Variants in ZNF713 observed in about 807,000 individuals in gnomAD.
The protein encoded by ZNF713 is zinc finger protein 713.
In ZNF713, 21 loss-of-function variants were observed where a neutral mutation model predicts 28.7. The observed-to-expected ratio is 0.73, with a 90% CI of 0.52 to 1.05. ZNF713 has a LOEUF of 1.05. Ranked by LOEUF, ZNF713 falls within the 50% of genes least tolerant of loss-of-function variation. The probability of loss-of-function intolerance (pLI) is 0.00; values close to 1 mark genes in which losing one functional copy is unlikely to be tolerated. For missense variants in ZNF713, 458 were observed against 532.4 expected, an observed-to-expected ratio of 0.86 and a Z score of 1.37; for synonymous variants, 167 against 178.0, an observed-to-expected ratio of 0.94 and a Z score of 0.49.
At chr7:55,909,981 G>A (rs1247595575) in intron 2 of ZNF713, among the ~76,000 whole-genome samples, 1 of 151,632 alleles carries the variant, frequency 6.6e-6, no homozygotes, top group Non-Finnish European at 1.5e-5. Context: ...ATGTGTGTGT[G>A]TGTGTGTGTG....
At chr7:55,929,748 C>CAA (rs767798285) in intron 6 of ZNF713, among the ~76,000 whole-genome samples, 5,290 of 135,644 alleles carry the variant, frequency 0.039, 115 homozygotes, top group Non-Finnish European at 0.058. Context: ...GAGCAAGACT[C>CAA]AAAAAAAAAA....
intron 1 of ZNF713, among the ~76,000 whole-genome samples, chr7:55,904,980 C>A (rs920528890): frequency 2.6e-5 from 4 of 152,140 alleles, no homozygotes; most frequent in Non-Finnish European, 5.9e-5. Context: ...CCCACCTCAT[C>A]CTCCCAAAGT....
intron 1 of ZNF713, among the ~76,000 whole-genome samples, chr7:55,894,826 C>G (rs1785445064): frequency 6.7e-6 from 1 of 149,372 alleles, no homozygotes; most frequent in Admixed American, 6.7e-5. Flanking sequence ...AATGTTTTGA[C>G]TTTTGTTTTC....
intron 6 of ZNF713, among the ~76,000 whole-genome samples, chr7:55,937,735 T>C (rs1786380976): frequency 6.6e-6 from 1 of 151,236 alleles, no homozygotes; most frequent in Admixed American, 6.6e-5. Context: ...AGACCCCGTC[T>C]CTAAAAAAAA....
chr7:55,931,243 G>A (rs563286126), intron 6 of ZNF713, among the ~76,000 whole-genome samples: 29 of 151,774 alleles, frequency 1.9e-4, no homozygotes, highest in East Asian at 1.9e-4. Flanking sequence ...CCGAGATCAC[G>A]TCATTGCTCT....
intron 4 of ZNF713, among the ~76,000 whole-genome samples, chr7:55,922,677 A>G (rs1786015216): frequency 6.6e-6 from 1 of 152,310 alleles, no homozygotes; most frequent in South Asian, 2.1e-4. Flanking sequence ...TCAGATGATC[A>G]TTACCATTTT....
intron 4 of ZNF713, among the ~76,000 whole-genome samples, chr7:55,915,469 G>A (rs1204123161): frequency 6.6e-6 from 1 of 152,066 alleles, no homozygotes; most frequent in Non-Finnish European, 1.5e-5. Context: ...AAGACATTTA[G>A]CAACTATACT....
At chr7:55,899,454 C>T (rs938917396) in intron 1 of ZNF713, among the ~76,000 whole-genome samples, 5 of 126,090 alleles carry the variant, frequency 4.0e-5, no homozygotes, top group African/African-American at 1.6e-4. Flanking sequence ...GGGTTGATCA[C>T]AAGGTCAGGA....
intron 6 of ZNF713, among the ~76,000 whole-genome samples, chr7:55,935,517 T>A (rs1246141269): frequency 6.6e-6 from 1 of 152,148 alleles, no homozygotes; most frequent in Admixed American, 6.6e-5. Context: ...TACGTGTGTG[T>A]TAGAAGGGAC....
In ZNF713 at chr7:55,887,600, CGCGGCGGCGGCGGCGGCGGCGGCG is replaced by C. The variant is rs369789359; in HGVS notation, c.-647_-624del. Reference sequence around the variant, plus strand: ...GGCACCTTCTCCCTCCCGGGTCCACCGCGGCGGCGGCGGCGGCGGCGGCGGCGGCGGCGGCGGCGTCAGGGGGCG... The same window carrying C: ...GGCACCTTCTCCCTCCCGGGTCCACCGCGGCGGCGGCGGCGTCAGGGGGCG... On this transcript the variant is annotated 5_prime_UTR_variant, in exon 1 of 7. Coordinates refer to ENST00000429591, the MANE Select transcript of ZNF713 (RefSeq NM_182633.3). 164 of 178,652 alleles carry C rather than the reference CGCGGCGGCGGCGGCGGCGGCGGCG, an allele frequency of 9.2e-4. 3 individuals are homozygous for C. The highest frequency in any genetic ancestry group is 3.5e-3 in the African/African-American group (140 of 40,508). 11.1% of individuals were successfully genotyped at this position (178,652 alleles called of 1,614,324 possible). A position where few individuals can be genotyped will look rare whatever the true frequency, so the allele number is the denominator to read the frequency against.
intron 1 of ZNF713, among the ~76,000 whole-genome samples, chr7:55,899,321 C>T (rs1486193722): frequency 7.1e-6 from 1 of 139,882 alleles, no homozygotes; most frequent in Admixed American, 7.7e-5. Context: ...CCACTGTACT[C>T]CATCCAGCCT....
At position 55,940,280 on chromosome 7, in the gene ZNF713, G is replaced by T; in HGVS notation, c.*274G>T. On this transcript the variant is annotated 3_prime_UTR_variant, in exon 7 of 7. Coordinates refer to ENST00000429591, the MANE Select transcript of ZNF713 (RefSeq NM_182633.3). Reference sequence around the variant, plus strand: ...TGGGACCACAGGTATGCACCACCACGCCCAGCTAATTTTTTGTATTTTTAG... The same window carrying T: ...TGGGACCACAGGTATGCACCACCACTCCCAGCTAATTTTTTGTATTTTTAG... The T allele has an allele frequency of 2.0e-6, 1 of 490,374 alleles. No individual in the cohort carries two copies. The highest frequency in any genetic ancestry group is 6.8e-5 in the East Asian group (1 of 14,698). 30.4% of individuals were successfully genotyped at this position (490,374 alleles called of 1,614,324 possible). A position where few individuals can be genotyped will look rare whatever the true frequency, so the allele number is the denominator to read the frequency against.
At position 55,939,133 on chromosome 7, in the gene ZNF713, A is replaced by G. The variant is rs1001198300; in HGVS notation, c.459A>G (p.Pro153=). The change falls in exon 7 of 7, where the codon CCA becomes CCG. Residue 153 remains proline, a synonymous_variant. Transcript: ENST00000429591. The part of the protein sequence containing the change: ...LGGLWDFDYH[P]EFNQENHKRY... ...GACTCTGGGATTTTGATTACCATCC[A>G]GAGTTTAACCAAGAAAACCACAAGA... 6.2e-7 allele frequency: 1 copy of G among 1,614,156 alleles called. No individual in the cohort carries two copies. Among genetic ancestry groups the G allele is most frequent in the South Asian group, 1.1e-5 (1 of 91,062 alleles).
chr7:55,930,350 G>A (rs1786186053), intron 6 of ZNF713, among the ~76,000 whole-genome samples: 1 of 152,144 alleles, frequency 6.6e-6, no homozygotes, highest in Non-Finnish European at 1.5e-5. Context: ...ATACATTACT[G>A]GGATCAGGTG....
chr7:55,913,195 C>CTT (rs66851959), intron 4 of ZNF713, among the ~76,000 whole-genome samples: 1,373 of 88,078 alleles, frequency 0.016, 12 homozygotes, highest in African/African-American at 0.021. Flanking sequence ...GTTTTGATTC[C>CTT]TTTTTTTTTT....
rs1247749522 is a variant in ZNF713, at chr7:55,916,081, A to G, written c.87+3358A>G. ...AGGGGTAAAAGCAAAGGAAGAAAAA[A>G]GATGACTTCAAAGAGTGGAACCCAG... On this transcript the variant is annotated intron_variant, in intron 4 of 6. Coordinates refer to ENST00000429591, the MANE Select transcript of ZNF713 (RefSeq NM_182633.3). Among the ~76,000 whole-genome samples, 4 of 152,240 alleles carry G rather than the reference A, an allele frequency of 2.6e-5. No individual in the cohort carries two copies. In the East Asian group the frequency reaches 7.7e-4, roughly 29 times the overall value.
At chr7:55,928,885 A>ACT (rs1786154038) in intron 6 of ZNF713, among the ~76,000 whole-genome samples, 1 of 151,568 alleles carries the variant, frequency 6.6e-6, no homozygotes, top group Non-Finnish European at 1.5e-5. Flanking sequence ...TAATCCCAGC[A>ACT]CTGTGTGAGA....
At position 55,889,779 on chromosome 7, in the gene ZNF713, T is replaced by C. The variant is rs971226668; in HGVS notation, c.-583+2099T>C. ...AGGACTATATAAATCTTATGAGTTA[T>C]AGTTCTTGTAACACGTTGGTGTCAT... On this transcript the variant is annotated intron_variant, in intron 1 of 6. Coordinates refer to ENST00000429591, the MANE Select transcript of ZNF713 (RefSeq NM_182633.3). Among the ~76,000 whole-genome samples, 7 of 152,364 alleles carry C rather than the reference T, an allele frequency of 4.6e-5. No individual in the cohort carries two copies. The South Asian group carries it at 6.2e-4, about 14-fold the overall frequency.
chr7:55,896,934 G>A (rs1459706127), intron 1 of ZNF713, among the ~76,000 whole-genome samples: 3 of 152,016 alleles, frequency 2.0e-5, no homozygotes, highest in Non-Finnish European at 2.9e-5. Context: ...CAGGAGTCTC[G>A]TAATGGCCAA....
Sources: allele counts gnomAD v4.1 joint callset (sites outside exome capture counted in the v4.1 genomes callset), GRCh38; gene constraint gnomAD v4.1.1; transcripts MANE v1.5; gene names NCBI Gene and HGNC (gene_info 2026-07-23, HGNC 2026-07-21).